Variants in ZNF705B observed in about 807,000 individuals in gnomAD.
ZNF705B encodes the protein Putative zinc finger protein 705D-like protein LOC100132396.
In ZNF705B, 1 loss-of-function variant was observed where a neutral mutation model predicts 10.5. The ratio of observed to expected loss-of-function variants is 0.10; its 90% CI spans 0.03 to 0.45. ZNF705B has a LOEUF of 0.45. Ranked by LOEUF, ZNF705B falls within the 20% of genes least tolerant of loss-of-function variation. The pLI is 0.97. For synonymous variants in ZNF705B, 4 were observed against 25.4 expected (o/e 0.16, Z 2.53); for missense variants, 14 against 84.0 (o/e 0.17, Z 3.26).
intron 1 of ZNF705B, among the ~76,000 whole-genome samples, chr8:7,930,011 C>G (rs1819797967): frequency 9.9e-6 from 1 of 101,082 alleles, no homozygotes; most frequent in Non-Finnish European, 2.4e-5. Flanking sequence ...ATTTTAGATA[C>G]AGTAGGTACA....
chr8:7,935,362 C>T (rs577660110), intron 2 of ZNF705B, among the ~76,000 whole-genome samples: 2,707 of 144,938 alleles, frequency 0.019, 20 homozygotes, highest in African/African-American at 0.066. Flanking sequence ...CATTTATGTC[C>T]TAAGATATCA....
chr8:7,930,165 T>A (rs1179862778), intron 1 of ZNF705B, 122 bp from the exon 2 acceptor site: 1 of 118,096 alleles, frequency 8.5e-6, no homozygotes, highest in Non-Finnish European at 2.0e-5. Context: ...ACAGTGTCTA[T>A]AATTCCCATG....
chr8:7,940,231 A>C (rs1820110252), intron 2 of ZNF705B, among the ~76,000 whole-genome samples: 1 of 147,324 alleles, frequency 6.8e-6, no homozygotes, highest in Non-Finnish European at 1.5e-5. Context: ...CCTCCTTTTA[A>C]GTTTTTTAAC....
chr8:7,929,543 T>C (rs1442625353), intron 1 of ZNF705B, among the ~76,000 whole-genome samples: 1 of 123,174 alleles, frequency 8.1e-6, no homozygotes, highest in African/African-American at 2.5e-5. Flanking sequence ...TGCAAAATTA[T>C]TGTGAAGACT....
intron 2 of ZNF705B, among the ~76,000 whole-genome samples, chr8:7,931,309 G>A (rs1207770252): frequency 8.2e-6 from 1 of 121,612 alleles, no homozygotes; most frequent in African/African-American, 2.5e-5. Flanking sequence ...CAACATGATG[G>A]ACAGAGTAGT....
rs796132476 is a variant in ZNF705B at position 7,926,701 on chromosome 8, GC to G, written c.-222+307del. Among the ~76,000 whole-genome samples the G allele has an allele frequency of 1.1e-4, 12 of 111,466 alleles. 1 individual carries two copies. In the South Asian group the frequency reaches 4.0e-3, roughly 37 times the overall value. 73.1% of individuals were successfully genotyped at this position (111,466 alleles called of 152,430 possible). A position where few individuals can be genotyped will look rare whatever the true frequency, so the allele number is the denominator to read the frequency against. On this transcript the variant is annotated intron_variant, in intron 1 of 6. Coordinates refer to ENST00000400120, the MANE Select transcript of ZNF705B (RefSeq NM_001193630.1). ...AGGAACACTGACCTTTACCCACTTG[GC>G]CCACCATGACCCACCTGATGCAGAC... is the stretch of plus-strand genomic sequence containing the variant.
At chr8:7,932,944 G>C (rs1305904583) in intron 2 of ZNF705B, among the ~76,000 whole-genome samples, 2 of 109,552 alleles carry the variant, frequency 1.8e-5, no homozygotes, top group Non-Finnish European at 4.4e-5. Context: ...AGCACTCAGT[G>C]GCTGTTGTAG....
At chr8:7,934,692 CTGTGTG>C (rs772466497) in intron 2 of ZNF705B, 188 of 78,922 alleles carry the variant, frequency 2.4e-3, no homozygotes, top group African/African-American at 0.012. Context: ...GTGTGTGTGT[CTGTGTG>C]TGTGTGTGTG....
Position 7,926,807 on chromosome 8 carries a change from T to C in ZNF705B, c.-222+410T>C, listed in dbSNP as rs1361757306. Among the ~76,000 whole-genome samples the C allele has an allele frequency of 1.7e-5, 2 of 117,192 alleles. 1 individual carries two copies. Among genetic ancestry groups the C allele is most frequent in the African/African-American group, 5.1e-5 (2 of 38,956 alleles). 76.9% of individuals were successfully genotyped at this position (117,192 alleles called of 152,430 possible). Reference sequence around the variant, plus strand: ...TTCATTCTCTAAACCTCAAGCTCTATTGCTGTCAAACACACAGAACTAGTT... The same window carrying C: ...TTCATTCTCTAAACCTCAAGCTCTACTGCTGTCAAACACACAGAACTAGTT... On this transcript the variant is annotated intron_variant, in intron 1 of 6. Transcript: ENST00000400120.
At position 7,927,355 on chromosome 8, in the gene ZNF705B, C is replaced by T. The variant is rs187620855; in HGVS notation, c.-222+958C>T. Among the ~76,000 whole-genome samples, 1,189 of 120,930 alleles carry T rather than the reference C, an allele frequency of 9.8e-3. 63 individuals are homozygous for T. The highest frequency in any genetic ancestry group is 0.019 in the Non-Finnish European group (978 of 50,230). 79.3% of individuals were successfully genotyped at this position (120,930 alleles called of 152,430 possible). On this transcript the variant is annotated intron_variant, in intron 1 of 6. Transcript: ENST00000400120. Reference sequence around the variant, plus strand: ...TAGTATCTTGTGTGATTTCAGGTATCCAGAAGTTGACTTAAAAGTTCCTCT... The same window carrying T: ...TAGTATCTTGTGTGATTTCAGGTATTCAGAAGTTGACTTAAAAGTTCCTCT...
In ZNF705B at chr8:7,928,237, C is replaced by T. The variant is rs1316458493; in HGVS notation, c.-222+1840C>T. On this transcript the variant is annotated intron_variant, in intron 1 of 6. Transcript: ENST00000400120. ...CAGCTCCACGACTTAATCACCTCCT[C>T]AAAGCCCGCACCTTGTAATATCGTC... Among the ~76,000 whole-genome samples the T allele has an allele frequency of 1.7e-5, 2 of 115,076 alleles. 1 individual carries two copies. The highest frequency in any genetic ancestry group is 4.1e-5 in the Non-Finnish European group (2 of 48,242). The allele number at this position is 115,076 out of a possible 152,430, so 75.5% of individuals were successfully genotyped here. A position where few individuals can be genotyped will look rare whatever the true frequency, so the allele number is the denominator to read the frequency against.
Position 7,944,968 on chromosome 8 carries a change from CA to C in ZNF705B, c.-71-2367del, listed in dbSNP as rs61035277. On this transcript the variant is annotated intron_variant, in intron 2 of 6. Coordinates refer to ENST00000400120, the MANE Select transcript of ZNF705B (RefSeq NM_001193630.1). ...CTGGGCAACAGGAGTGAAACTCTAC[CA>C]AAAAAAAAAAAAAAAGAGAGAGAGA... Among the ~76,000 whole-genome samples the C allele has an allele frequency of 1.6e-3, 44 of 27,674 alleles. 4 individuals carry two copies. The highest frequency in any genetic ancestry group is 1.9e-3 in the South Asian group (1 of 538). The allele number at this position is 27,674 out of a possible 152,430, so 18.2% of individuals were successfully genotyped here.
intron 2 of ZNF705B, among the ~76,000 whole-genome samples, chr8:7,936,254 G>T (rs1820012156): frequency 8.3e-6 from 1 of 120,022 alleles, no homozygotes; most frequent in African/African-American, 2.5e-5. Flanking sequence ...CGGTTCAGAG[G>T]TCTTTGAATC....
chr8:7,940,920 G>A lies in ZNF705B; in HGVS notation c.-71-6431G>A, dbSNP rs377050539. 1.1e-3 allele frequency among the ~76,000 whole-genome samples: 158 copies of A among 148,254 alleles called. 1 individual carries two copies. In the East Asian group the frequency reaches 0.033, roughly 31 times the overall value. On this transcript the variant is annotated intron_variant, in intron 2 of 6. Transcript: ENST00000400120. Reference sequence around the variant, plus strand: ...TGTTCTCACCGTTCTGCTCCCACTTGTAAGTTAGAACGTGCAGTGCTTGGT... The same window carrying A: ...TGTTCTCACCGTTCTGCTCCCACTTATAAGTTAGAACGTGCAGTGCTTGGT...
intron 2 of ZNF705B, among the ~76,000 whole-genome samples, chr8:7,935,830 C>A (rs1328092266): frequency 1.1e-5 from 1 of 91,392 alleles, no homozygotes; most frequent in African/African-American, 2.7e-5. Flanking sequence ...AGCTTTCCAT[C>A]TCTTCCTTTT....
rs1412136292 is a variant in ZNF705B, at chr8:7,926,376, G to A, written c.-243G>A. 1.7e-5 allele frequency: 2 copies of A among 118,106 alleles called. No homozygotes were observed. Among genetic ancestry groups the A allele is most frequent in the Non-Finnish European group, 2.0e-5 (1 of 49,704 alleles). 7.3% of individuals were successfully genotyped at this position (118,106 alleles called of 1,614,324 possible). A position where few individuals can be genotyped will look rare whatever the true frequency, so the allele number is the denominator to read the frequency against. On this transcript the variant is annotated 5_prime_UTR_variant, in exon 1 of 7. Coordinates refer to ENST00000400120, the MANE Select transcript of ZNF705B (RefSeq NM_001193630.1). ...GGACATACAGCACACAGCCTGTGGA[G>A]GGTGGAGGAACCAACTGCAAGGTGG...
chr8:7,945,013 T>C (rs1185331901), intron 2 of ZNF705B, among the ~76,000 whole-genome samples: 1 of 32,396 alleles, frequency 3.1e-5, no homozygotes, highest in African/African-American at 5.6e-5. Context: ...TGGAGGGAGA[T>C]ACTAAGCTGT....
At chr8:7,930,770 A>G (rs1326370269) in intron 2 of ZNF705B, among the ~76,000 whole-genome samples, 1 of 116,234 alleles carries the variant, frequency 8.6e-6, no homozygotes, top group Non-Finnish European at 2.0e-5. Flanking sequence ...GACAACACTA[A>G]TACTAATAAC....
At chr8:7,929,987 T>A (rs1218441126) in intron 1 of ZNF705B, among the ~76,000 whole-genome samples, 2 of 98,860 alleles carry the variant, frequency 2.0e-5, no homozygotes, top group African/African-American at 2.8e-5. Flanking sequence ...TTCATTTTTT[T>A]AAAATTTCAA....
Sources: gnomAD v4.1 joint callset for allele counts (sites outside exome capture counted in the v4.1 genomes callset) on GRCh38, gnomAD v4.1.1 for gene constraint, MANE v1.5 for transcripts, NCBI Gene and HGNC (gene_info 2026-07-23, HGNC 2026-07-21) for gene names.